The following FRMD4A variants were observed in gnomAD, a reference collection of about 807,000 sequenced individuals.
The protein encoded by FRMD4A is FERM domain containing 4A.
A neutral mutation model predicts 129.1 loss-of-function variants in FRMD4A; 29 were observed. That is an observed-to-expected ratio of 0.22 (90% CI 0.17 to 0.31). FRMD4A has a LOEUF of 0.31. Among genes scored for constraint, FRMD4A ranks in the 10% least tolerant of loss-of-function variants. The pLI is 1.00. For missense variants in FRMD4A, 1,272 were observed against 1,375.8 expected, an observed-to-expected ratio of 0.92 and a Z score of 1.19; for synonymous variants, 634 against 571.6, an observed-to-expected ratio of 1.11 and a Z score of -1.56.
At chr10:14,047,453 C>T (rs751825850) in intron 2 of FRMD4A, among the ~76,000 whole-genome samples, 3 of 152,126 alleles carry the variant, frequency 2.0e-5, no homozygotes, top group Non-Finnish European at 2.9e-5. Context: ...CATTTTCAGT[C>T]ATTTAAGAGG....
rs191606898 is a variant in FRMD4A, at chr10:13,895,722, T to C, written c.46-36810A>G. Among the ~76,000 whole-genome samples, 542 of 151,778 alleles carry C rather than the reference T, an allele frequency of 3.6e-3. 5 individuals are homozygous for C. Among genetic ancestry groups the C allele is most frequent in the African/African-American group, 0.013 (518 of 41,364 alleles). On this transcript the variant is annotated intron_variant, in intron 2 of 24. Transcript: ENST00000357447. ...ACAGCAAAAGAAACTATCATCAGAG[T>C]GAACAGACAACCTACAGAATGGGAG...
chr10:14,067,907 C>G (rs1402596791), intron 2 of FRMD4A, among the ~76,000 whole-genome samples: 4 of 152,170 alleles, frequency 2.6e-5, no homozygotes, highest in African/African-American at 4.8e-5. Flanking sequence ...ATTTCAGTAG[C>G]ATTAGTAGCA....
chr10:14,145,092 C>T (rs1245138074), intron 2 of FRMD4A, among the ~76,000 whole-genome samples: 1 of 152,086 alleles, frequency 6.6e-6, no homozygotes, highest in East Asian at 1.9e-4. Context: ...TTACCATGAG[C>T]TTACATAGAA....
chr10:13,814,634 A>AG (rs2093509240), intron 3 of FRMD4A, among the ~76,000 whole-genome samples: 1 of 150,876 alleles, frequency 6.6e-6, no homozygotes, highest in African/African-American at 2.4e-5. Context: ...GAGAGAGAAA[A>AG]AAAAGAAAGA....
At chr10:14,235,717 C>A (rs1377510394) in intron 2 of FRMD4A, among the ~76,000 whole-genome samples, 1 of 152,208 alleles carries the variant, frequency 6.6e-6, no homozygotes, top group Non-Finnish European at 1.5e-5. Context: ...GCAGCCGTCA[C>A]AAAAATCAGC....
chr10:13,694,000 T>C lies in FRMD4A; in HGVS notation c.1015A>G (p.Ile339Val), dbSNP rs1235957792. The C allele has an allele frequency of 6.5e-7, 1 of 1,537,650 alleles. No homozygotes were observed. Among genetic ancestry groups the C allele is most frequent in the Non-Finnish European group, 8.7e-7 (1 of 1,146,652 alleles). ...HAARSLSEIA[I>V]DLTETGTLKT... ...AGCGTCCCCGTCTCGGTCAGGTCGATGGCGATCTCACTCAGGCTGCGTGCT... is the reference window on the plus strand; with the variant it reads ...AGCGTCCCCGTCTCGGTCAGGTCGACGGCGATCTCACTCAGGCTGCGTGCT... The change falls in exon 15 of 25, where the codon ATC (isoleucine) becomes GTC (valine). Residue 339 changes from isoleucine to valine, a missense_variant. By Grantham distance (29) the Ile-to-Val change is conservative. Around this residue, in one of 2 missense-constraint regions of FRMD4A, gnomAD observed 300 missense variants for 483.6 expected, o/e 0.62. Transcript: ENST00000357447.
intron 2 of FRMD4A, among the ~76,000 whole-genome samples, chr10:13,902,088 C>G (rs2131196343): frequency 6.6e-6 from 1 of 152,308 alleles, no homozygotes; most frequent in African/African-American, 2.4e-5. Context: ...GTGATCATAG[C>G]TCACTGTAAC....
At position 13,761,820 on chromosome 10, in the gene FRMD4A, A is replaced by G. The variant is rs1335686412; in HGVS notation, c.442-151T>C. On this transcript the variant is annotated intron_variant, in intron 7 of 24. Transcript: ENST00000357447. The stretch of plus-strand genomic sequence containing the variant: ...TCCTATTTGCTGCAGGAATACAATT[A>G]AAACTGAATGCACACCTTTGCCATT... 4 of 624,846 alleles carry G rather than the reference A, an allele frequency of 6.4e-6. 1 individual carries two copies. The highest frequency in any genetic ancestry group is 1.1e-5 in the Non-Finnish European group (4 of 348,172). 38.7% of individuals were successfully genotyped at this position (624,846 alleles called of 1,614,324 possible).
At chr10:13,921,702 A>G (rs1484877538) in intron 2 of FRMD4A, among the ~76,000 whole-genome samples, 3 of 152,182 alleles carry the variant, frequency 2.0e-5, no homozygotes, top group Non-Finnish European at 2.9e-5. Flanking sequence ...GGGGAACACA[A>G]ACATTCAGGC....
chr10:13,698,597 T>C (rs1376960307), intron 14 of FRMD4A, among the ~76,000 whole-genome samples: 2 of 152,254 alleles, frequency 1.3e-5, no homozygotes, highest in South Asian at 2.1e-4. Context: ...TGGCCAGTGA[T>C]AGTATGCTAG....
chr10:14,156,878 T>C (rs1840628988), intron 2 of FRMD4A, among the ~76,000 whole-genome samples: 1 of 152,208 alleles, frequency 6.6e-6, no homozygotes, highest in African/African-American at 2.4e-5. Context: ...TGTTAGTCTA[T>C]CAAGACTCTT....
At chr10:13,808,708 C>A (rs2093397737) in intron 4 of FRMD4A, among the ~76,000 whole-genome samples, 1 of 152,208 alleles carries the variant, frequency 6.6e-6, no homozygotes, top group Non-Finnish European at 1.5e-5. Context: ...GTGCACCAGG[C>A]ACATCTGCTA....
intron 2 of FRMD4A, among the ~76,000 whole-genome samples, chr10:13,901,732 T>C (rs1381608230): frequency 6.6e-6 from 1 of 151,822 alleles, no homozygotes; most frequent in Non-Finnish European, 1.5e-5. Context: ...AAGTGAGCAA[T>C]AGGACTATAT....
At chr10:13,898,645 G>C (rs2094785363) in intron 2 of FRMD4A, among the ~76,000 whole-genome samples, 1 of 152,152 alleles carries the variant, frequency 6.6e-6, no homozygotes, top group Non-Finnish European at 1.5e-5. Context: ...AGCATACATG[G>C]GACAATTAAG....
At chr10:13,916,072 G>A (rs745929899) in intron 2 of FRMD4A, among the ~76,000 whole-genome samples, 7 of 152,196 alleles carry the variant, frequency 4.6e-5, no homozygotes, top group Non-Finnish European at 8.8e-5. Context: ...TGGCACTGAC[G>A]GCAGGTCAAC....
intron 2 of FRMD4A, among the ~76,000 whole-genome samples, chr10:14,015,717 T>G (rs1281022978): frequency 6.6e-6 from 1 of 152,226 alleles, no homozygotes; most frequent in Non-Finnish European, 1.5e-5. Context: ...TTGCTTATGT[T>G]ACATCATTCA....
At chr10:14,249,963 CTTTATTTA>C (rs753346292) in intron 2 of FRMD4A, among the ~76,000 whole-genome samples, 8 of 152,104 alleles carry the variant, frequency 5.3e-5, no homozygotes, top group African/African-American at 1.7e-4. Context: ...CTTGTTTTTA[CTTTATTTA>C]TTTATTTATT....
At chr10:14,298,883 T>C (rs1589280599) in intron 2 of FRMD4A, among the ~76,000 whole-genome samples, 2 of 152,240 alleles carry the variant, frequency 1.3e-5, no homozygotes, top group East Asian at 3.9e-4. Context: ...GGGCTCCCTT[T>C]CCGGATTGAA....
intron 2 of FRMD4A, among the ~76,000 whole-genome samples, chr10:14,280,111 G>T (rs1845469192): frequency 6.6e-6 from 1 of 152,128 alleles, no homozygotes; most frequent in South Asian, 2.1e-4. Flanking sequence ...ACTCACCCAG[G>T]ACAGAACTGA....
Sources: gnomAD v4.1 joint callset for allele counts (sites outside exome capture counted in the v4.1 genomes callset) on GRCh38, gnomAD v4.1.1 for gene constraint, gnomAD v4.1.1 regional missense constraint, MANE v1.5 for transcripts, NCBI Gene and HGNC (gene_info 2026-07-23, HGNC 2026-07-21) for gene names.